Variants in SOX5 observed in about 807,000 individuals in gnomAD.
SOX5 encodes SRY-box transcription factor 5, also known as transcription factor SOX-5.
In SOX5, 9 loss-of-function variants were observed where a neutral mutation model predicts 92.0. That is an observed-to-expected ratio of 0.10 (90% CI 0.06 to 0.17). SOX5 has a LOEUF of 0.17. Among genes scored for constraint, SOX5 ranks in the 10% least tolerant of loss-of-function variants. The pLI is 1.00. For missense variants in SOX5, 642 were observed against 944.5 expected (o/e 0.68, Z 4.20); for synonymous variants, 344 against 336.3 (o/e 1.02, Z -0.25).
chr12:24,153,435 C>T (rs754996689), intron 4 of SOX5, among the ~76,000 whole-genome samples: 9 of 152,110 alleles, frequency 5.9e-5, no homozygotes, highest in Non-Finnish European at 5.9e-5. Flanking sequence ...TTGATGATTA[C>T]ATCACAATTT....
chr12:23,625,436 G>T (rs1489776428), intron 8 of SOX5, among the ~76,000 whole-genome samples: 2 of 152,106 alleles, frequency 1.3e-5, no homozygotes, highest in Non-Finnish European at 2.9e-5. Context: ...TTGAAGGCTT[G>T]TATCTTCTAA....
intron 10 of SOX5, among the ~76,000 whole-genome samples, chr12:23,568,058 C>A (rs1259490164): frequency 2.0e-5 from 3 of 152,128 alleles, no homozygotes; most frequent in African/African-American, 7.2e-5. Flanking sequence ...CTTTTGAAAA[C>A]AAGGTCTTTG....
intron 3 of SOX5, among the ~76,000 whole-genome samples, chr12:24,233,914 G>C (rs1267292400): frequency 6.6e-6 from 1 of 152,196 alleles, no homozygotes; most frequent in Non-Finnish European, 1.5e-5. Context: ...CTTTTATCTA[G>C]GAAAATGTAC....
intron 4 of SOX5, among the ~76,000 whole-genome samples, chr12:24,029,696 CCTT>C (rs1310393292): frequency 2.0e-5 from 3 of 151,878 alleles, no homozygotes; most frequent in Non-Finnish European, 2.9e-5. Context: ...TTGATCATTG[CCTT>C]CTTATTTTAC....
rs1051999551 is a variant in SOX5 at position 24,203,767 on chromosome 12, T to A, written c.-2+9576A>T. Reference sequence around the variant, plus strand: ...ACAACAGTTCTTTTTTGTTCATTTTTAAAAAATTTTAGAGTATAAACGCCA... The same window carrying A: ...ACAACAGTTCTTTTTTGTTCATTTTAAAAAAATTTTAGAGTATAAACGCCA... On this transcript the variant is annotated intron_variant, in intron 4 of 4. Coordinates refer to the SOX5 transcript ENST00000446891. Among the ~76,000 whole-genome samples the A allele has an allele frequency of 1.6e-4, 24 of 152,342 alleles. No individual in the cohort carries two copies. In the East Asian group the frequency reaches 2.9e-3, roughly 18 times the overall value.
chr12:24,518,017 C>T (rs902834334), intron 1 of SOX5, among the ~76,000 whole-genome samples: 1 of 151,918 alleles, frequency 6.6e-6, no homozygotes, highest in South Asian at 2.1e-4. Context: ...TTCTCACAAC[C>T]TTCCATTTTG....
chr12:23,784,347 GAC>G (rs1199291941), intron 3 of SOX5, among the ~76,000 whole-genome samples: 3 of 151,686 alleles, frequency 2.0e-5, no homozygotes, highest in Non-Finnish European at 4.4e-5. Context: ...TTATTTTTGA[GAC>G]AGAGTCTCAC....
At chr12:24,492,320 TA>T (rs967409631) in intron 1 of SOX5, among the ~76,000 whole-genome samples, 30 of 152,150 alleles carry the variant, frequency 2.0e-4, no homozygotes, top group African/African-American at 6.8e-4. Flanking sequence ...TCCCCCAATT[TA>T]AAGGTCCCTG....
Position 24,095,088 on chromosome 12 carries a change from GAA to G in SOX5, c.-2+118253_-2+118254del, listed in dbSNP as rs1945160575. On this transcript the variant is annotated intron_variant, in intron 4 of 4. Transcript: ENST00000446891. ...TTACTTTCTTATAATTTCTAGCCCC[GAA>G]ACACACACACACACACACACACACA... Among the ~76,000 whole-genome samples the G allele has an allele frequency of 7.6e-5, 5 of 65,718 alleles. No individual in the cohort carries two copies. In the Admixed American group the frequency reaches 8.3e-4, roughly 11 times the overall value. 43.1% of individuals were successfully genotyped at this position (65,718 alleles called of 152,430 possible).
chr12:23,623,471 T>C (rs1385022220), intron 8 of SOX5, among the ~76,000 whole-genome samples: 2 of 152,122 alleles, frequency 1.3e-5, no homozygotes, highest in Non-Finnish European at 2.9e-5. Context: ...GTAGCAAATC[T>C]AGTGGTTACT....
At chr12:24,126,058 A>G (rs1949076081) in intron 4 of SOX5, among the ~76,000 whole-genome samples, 2 of 152,036 alleles carry the variant, frequency 1.3e-5, no homozygotes, top group African/African-American at 4.8e-5. Flanking sequence ...TTCCAGTAGG[A>G]CCTGTTCCAA....
At chr12:23,804,539 T>C (rs1253431206) in intron 3 of SOX5, among the ~76,000 whole-genome samples, 1 of 152,114 alleles carries the variant, frequency 6.6e-6, no homozygotes, top group Non-Finnish European at 1.5e-5. Context: ...TAGCCTGGCA[T>C]TCAGGGCTTC....
At chr12:24,451,606 C>G (rs1312757231) in intron 1 of SOX5, among the ~76,000 whole-genome samples, 1 of 152,138 alleles carries the variant, frequency 6.6e-6, no homozygotes, top group African/African-American at 2.4e-5. Context: ...CTAATATTAA[C>G]TCTTCATGGA....
At chr12:23,537,693 TA>T (rs1296497070) in intron 13 of SOX5, among the ~76,000 whole-genome samples, 30 of 152,100 alleles carry the variant, frequency 2.0e-4, no homozygotes, top group Admixed American at 5.2e-4. Context: ...GAAGCTTAAA[TA>T]AAAATAGTTT....
At chr12:24,195,207 C>A (rs1019771824) in intron 4 of SOX5, among the ~76,000 whole-genome samples, 12 of 151,226 alleles carry the variant, frequency 7.9e-5, no homozygotes, top group African/African-American at 2.4e-4. Context: ...AACATTATCA[C>A]ATGAAATTCT....
intron 3 of SOX5, among the ~76,000 whole-genome samples, chr12:23,779,759 T>C (rs1400241194): frequency 6.9e-6 from 1 of 145,576 alleles, no homozygotes; most frequent in African/African-American, 2.5e-5. Flanking sequence ...AGCTTTACTA[T>C]TTCTTGAATC....
chr12:23,876,640 C>A (rs536421153), intron 2 of SOX5, among the ~76,000 whole-genome samples: 3 of 152,200 alleles, frequency 2.0e-5, no homozygotes, highest in Non-Finnish European at 4.4e-5. Context: ...ATACCCATTA[C>A]TGGGTATATA....
chr12:24,267,261 C>T (rs1943142269), intron 3 of SOX5, among the ~76,000 whole-genome samples: 1 of 152,004 alleles, frequency 6.6e-6, no homozygotes, highest in Admixed American at 6.6e-5. Flanking sequence ...AAAACCTTAC[C>T]ATGTTGTGAG....
intron 11 of SOX5, among the ~76,000 whole-genome samples, chr12:23,556,005 A>G (rs570371700): frequency 5.3e-5 from 8 of 152,160 alleles, no homozygotes; most frequent in Non-Finnish European, 1.2e-4. Flanking sequence ...AGGCTGACAT[A>G]CAGAGTGATG....
Sources: gnomAD v4.1 joint callset for allele counts (sites outside exome capture counted in the v4.1 genomes callset) on GRCh38, gnomAD v4.1.1 for gene constraint, MANE v1.5 for transcripts, NCBI Gene and HGNC (gene_info 2026-07-23, HGNC 2026-07-21) for gene names.